TLR6: variants seen among roughly 807,000 people sequenced by gnomAD.
The protein encoded by TLR6 is toll like receptor 6, also known as toll-like receptor 6.
Under a neutral mutation model 16.1 loss-of-function variants are expected in TLR6, and 9 were observed. That is an observed-to-expected ratio of 0.56 (90% CI 0.34 to 0.98). The LOEUF (loss-of-function observed/expected upper bound fraction) is 0.98, where lower values mean the gene tolerates loss of function less well. Ranked by LOEUF, TLR6 falls within the 50% of genes least tolerant of loss-of-function variation. The pLI is 0.02. For synonymous variants in TLR6, 340 were observed against 338.6 expected (o/e 1.00, Z -0.04); for missense variants, 786 against 921.0 (o/e 0.85, Z 1.90).
chr4:38,827,200 C>A, exon 2 of TLR6: 1 of 1,614,180 alleles, frequency 6.2e-7, no homozygotes. Context: ...GCAAATAAGT[C>A]CGCTGCGTCA....
At chr4:38,849,833 C>A (rs1458465065) in intron 1 of TLR6, among the ~76,000 whole-genome samples, 3 of 152,102 alleles carry the variant, frequency 2.0e-5, no homozygotes, top group African/African-American at 7.2e-5. Flanking sequence ...ATCAACGAGA[C>A]AGAAAGTTAA....
At chr4:38,865,463 G>A in the TLR6 span, among the ~76,000 whole-genome samples, 1 of 152,174 alleles carries the variant, frequency 6.6e-6, no homozygotes. Context: ...TTGGGTCAAA[G>A]GAGAAGAGGA....
upstream of TLR6, among the ~76,000 whole-genome samples, chr4:38,857,567 C>T (rs1713040508): frequency 6.6e-6 from 1 of 152,030 alleles, no homozygotes; most frequent in Non-Finnish European, 1.5e-5. Context: ...AGACTTCTTG[C>T]TTAACTGAGT....
intron 1 of TLR6, among the ~76,000 whole-genome samples, chr4:38,848,930 A>G (rs1200202609): frequency 1.3e-5 from 2 of 152,192 alleles, no homozygotes; most frequent in Admixed American, 1.3e-4. Context: ...TACAGAGAAC[A>G]CCACAAAGAT....
chr4:38,863,214 A>C, the TLR6 span, among the ~76,000 whole-genome samples: 1 of 152,280 alleles, frequency 6.6e-6, no homozygotes, highest in South Asian at 2.1e-4. Flanking sequence ...AAAGATCCTG[A>C]AATGTTTTCT....
chr4:38,827,040 C>G, exon 2 of TLR6: 1 of 1,412,272 alleles, frequency 7.1e-7, no homozygotes, highest in Non-Finnish European at 9.5e-7. Flanking sequence ...TCACCATCAT[C>G]CAAGTAAATA....
chr4:38,865,081 T>C, the TLR6 span, among the ~76,000 whole-genome samples: 1 of 152,130 alleles, frequency 6.6e-6, no homozygotes, highest in African/African-American at 2.4e-5. Flanking sequence ...CCTGCAGAGA[T>C]GGTGGACAAT....
intron 1 of TLR6, among the ~76,000 whole-genome samples, chr4:38,831,621 G>T (rs979696452): frequency 1.3e-5 from 2 of 152,112 alleles, no homozygotes; most frequent in Non-Finnish European, 1.5e-5. Flanking sequence ...ATATGATAGG[G>T]ACTTGTATCC....
chr4:38,828,899 T>C (rs546746589), exon 2 of TLR6: 1 of 1,611,792 alleles, frequency 6.2e-7, no homozygotes, highest in South Asian at 1.1e-5. Context: ...ATTCAGAATT[T>C]GTAGACTTTC....
chr4:38,856,379 T>C (rs980308969), intron 1 of TLR6, among the ~76,000 whole-genome samples: 2 of 152,156 alleles, frequency 1.3e-5, no homozygotes, highest in Non-Finnish European at 2.9e-5. Flanking sequence ...TAAAAACATA[T>C]AATAAATAGG....
intron 1 of TLR6, among the ~76,000 whole-genome samples, chr4:38,853,997 C>T (rs1276813953): frequency 6.6e-6 from 1 of 151,994 alleles, no homozygotes; most frequent in Non-Finnish European, 1.5e-5. Context: ...AAGATACATA[C>T]CAAGATATGA....
Position 38,828,597 on chromosome 4 carries a change from G to A in TLR6, c.877C>T (p.Arg293Cys), listed in dbSNP as rs772979516. 9 of 1,613,662 alleles carry A rather than the reference G, an allele frequency of 5.6e-6. No homozygotes were observed. Among genetic ancestry groups the A allele is most frequent in the South Asian group, 1.1e-5 (1 of 91,042 alleles). The change falls in exon 2 of 2, where the codon CGT becomes TGT. Residue 293 changes from arginine to cysteine, a missense_variant. Coordinates refer to ENST00000436693, the Ensembl canonical transcript of TLR6. Reference sequence around the variant, plus strand: ...TTAGAATAAGTAAAATCTTCTTCACGAATGCTTTCAATTATTGTTAAATTG... The same window carrying A: ...TTAGAATAAGTAAAATCTTCTTCACAAATGCTTTCAATTATTGTTAAATTG...
intron 1 of TLR6, among the ~76,000 whole-genome samples, chr4:38,852,137 C>T (rs1712796459): frequency 6.6e-6 from 1 of 152,096 alleles, no homozygotes; most frequent in African/African-American, 2.4e-5. Context: ...GGAAAGGATT[C>T]CCTATTTAAT....
At chr4:38,868,118 C>T in the TLR6 span, 3 of 268,548 alleles carry the variant, frequency 1.1e-5, no homozygotes, top group Non-Finnish European at 2.4e-5. Context: ...CCCACACGCC[C>T]ACACTCAGGG....
At chr4:38,833,208 A>T (rs1260822797) in intron 1 of TLR6, among the ~76,000 whole-genome samples, 1 of 152,132 alleles carries the variant, frequency 6.6e-6, no homozygotes, top group Non-Finnish European at 1.5e-5. Flanking sequence ...TTGGTCCATT[A>T]CTGCCACTGC....
chr4:38,848,138 TCTGCAGCCTCCG>T (rs1446944432), intron 1 of TLR6, among the ~76,000 whole-genome samples: 4 of 152,246 alleles, frequency 2.6e-5, no homozygotes, highest in African/African-American at 9.6e-5. Flanking sequence ...TATTCGCTGT[TCTGCAGCCTCCG>T]CTGCTGATAC....
chr4:38,843,682 T>C (rs1712387358), intron 1 of TLR6: 1 of 152,246 alleles, frequency 6.6e-6, no homozygotes, highest in South Asian at 2.1e-4. Flanking sequence ...GAACTTTTAT[T>C]ACTGAATGGC....
chr4:38,867,475 G>C, the TLR6 span, among the ~76,000 whole-genome samples: 1 of 152,164 alleles, frequency 6.6e-6, no homozygotes, highest in Non-Finnish European at 1.5e-5. Flanking sequence ...AGCTGAATTT[G>C]AGCGACCTCT....
the TLR6 span, chr4:38,868,052 CGTGTGAGTGTGTGT>C: frequency 1.2e-5 from 5 of 423,430 alleles, no homozygotes; most frequent in Admixed American, 2.5e-5. Context: ...TGGGTGCGGG[CGTGTGAGTGTGTGT>C]GTGTGAGTGT....
Sources: allele counts gnomAD v4.1 joint callset (sites outside exome capture counted in the v4.1 genomes callset), GRCh38; gene constraint gnomAD v4.1.1; transcripts MANE v1.5; gene names NCBI Gene and HGNC (gene_info 2026-07-23, HGNC 2026-07-21).